GALNT13: variants seen among roughly 807,000 people sequenced by gnomAD.
The protein encoded by GALNT13 is UDP-GalNAc:polypeptide N-acetylgalactosaminyltransferase 13.
Under a neutral mutation model 64.2 loss-of-function variants are expected in GALNT13, and 28 were observed. That is an observed-to-expected ratio of 0.44 (90% CI 0.32 to 0.60). GALNT13 has a LOEUF of 0.60. Ranked by LOEUF, GALNT13 falls within the 20% of genes least tolerant of loss-of-function variation. GALNT13 has a pLI of 0.05. For missense variants in GALNT13, 577 were observed against 669.8 expected, an observed-to-expected ratio of 0.86 and a Z score of 1.53; for synonymous variants, 214 against 224.6, an observed-to-expected ratio of 0.95 and a Z score of 0.42.
At chr2:153,125,973 TATGAAGTTCGA>T in the GALNT13 span, among the ~76,000 whole-genome samples, 11 of 152,158 alleles carry the variant, frequency 7.2e-5, no homozygotes, top group South Asian at 2.3e-3. Context: ...GTCCGGTGAT[TATGAAGTTCGA>T]ATGAATGCAA....
chr2:154,148,580 A>G (rs1683769681), intron 4 of GALNT13, among the ~76,000 whole-genome samples: 2 of 151,844 alleles, frequency 1.3e-5, no homozygotes, highest in South Asian at 4.1e-4. Flanking sequence ...CATCCTCTCC[A>G]GCACCTGTTG....
chr2:153,450,430 C>T, the GALNT13 span, among the ~76,000 whole-genome samples: 1 of 152,032 alleles, frequency 6.6e-6, no homozygotes, highest in Non-Finnish European at 1.5e-5. Context: ...TCAAATTTAA[C>T]ACTAGGAGGC....
intron 3 of GALNT13, among the ~76,000 whole-genome samples, chr2:154,005,851 T>C (rs1426819983): frequency 2.0e-5 from 3 of 152,140 alleles, no homozygotes; most frequent in African/African-American, 7.2e-5. Context: ...CAGTCAGAGA[T>C]TTTGATTCCG....
the GALNT13 span, among the ~76,000 whole-genome samples, chr2:153,674,057 C>T: frequency 2.6e-5 from 4 of 152,130 alleles, no homozygotes; most frequent in Non-Finnish European, 5.9e-5. Context: ...AAAGAGGGCA[C>T]AAACAAATGG....
At chr2:154,165,452 C>T (rs1189649684) in intron 4 of GALNT13, among the ~76,000 whole-genome samples, 3 of 152,100 alleles carry the variant, frequency 2.0e-5, no homozygotes, top group Non-Finnish European at 1.5e-5. Context: ...CTTACGCTTA[C>T]AGCCTCATTA....
the GALNT13 span, among the ~76,000 whole-genome samples, chr2:153,410,918 C>T: frequency 4.0e-5 from 6 of 151,086 alleles, no homozygotes; most frequent in East Asian, 1.2e-3. Context: ...GAGAGAGAGT[C>T]CAGGCTGGAG....
intron 3 of GALNT13, among the ~76,000 whole-genome samples, chr2:153,964,992 A>G (rs989285212): frequency 3.3e-5 from 5 of 152,156 alleles, no homozygotes; most frequent in African/African-American, 4.8e-5. Flanking sequence ...TAATGTTATT[A>G]TAAATATTTT....
At chr2:153,311,212 TAATA>T in the GALNT13 span, among the ~76,000 whole-genome samples, 1 of 152,182 alleles carries the variant, frequency 6.6e-6, no homozygotes, top group African/African-American at 2.4e-5. Flanking sequence ...CAAGTTTTGG[TAATA>T]AATAGGAACA....
intron 2 of GALNT13, among the ~76,000 whole-genome samples, chr2:153,929,494 C>G (rs1198517844): frequency 6.6e-6 from 1 of 152,082 alleles, no homozygotes; most frequent in Non-Finnish European, 1.5e-5. Context: ...TACTTAACTT[C>G]CTCATACCCT....
chr2:153,868,581 T>C (rs565118036), upstream of GALNT13, among the ~76,000 whole-genome samples: 1 of 152,372 alleles, frequency 6.6e-6, no homozygotes, highest in African/African-American at 2.4e-5. Context: ...CAAAACCTGG[T>C]AATTTAATTT....
At chr2:154,142,548 T>TC (rs1420384465) in intron 4 of GALNT13, among the ~76,000 whole-genome samples, 2 of 33,836 alleles carry the variant, frequency 5.9e-5, no homozygotes, top group Non-Finnish European at 5.5e-5. Flanking sequence ...AAACTCTGTC[T>TC]CAAAAAAAAA....
At position 154,202,035 on chromosome 2, in the gene GALNT13, G is replaced by A. The variant is rs562738812; in HGVS notation, c.312-39995G>A. Among the ~76,000 whole-genome samples the A allele has an allele frequency of 8.6e-4, 131 of 152,132 alleles. 1 individual carries two copies. Among genetic ancestry groups the A allele is most frequent in the African/African-American group, 3.1e-3 (129 of 41,530 alleles). On this transcript the variant is annotated intron_variant, in intron 4 of 12. Transcript: ENST00000392825. The stretch of plus-strand genomic sequence containing the variant: ...AAGATAACTTTCTGGCATTTATACT[G>A]CTTACCCTTTGATTTAATTCAATCC...
intron 8 of GALNT13, among the ~76,000 whole-genome samples, chr2:154,291,765 G>A (rs1020856820): frequency 5.3e-5 from 8 of 152,284 alleles, no homozygotes; most frequent in Admixed American, 6.5e-5. Context: ...GCGGCCTGCT[G>A]AAGGGCGCCT....
chr2:154,224,488 G>T (rs1688484772), intron 4 of GALNT13, among the ~76,000 whole-genome samples: 1 of 151,516 alleles, frequency 6.6e-6, no homozygotes. Flanking sequence ...GGAAAGCAAA[G>T]AAAAAAAGCT....
chr2:153,672,168 C>T, the GALNT13 span, among the ~76,000 whole-genome samples: 1 of 152,066 alleles, frequency 6.6e-6, no homozygotes, highest in Non-Finnish European at 1.5e-5. Flanking sequence ...ACAAGGATAT[C>T]TAGGACTTGA....
the GALNT13 span, among the ~76,000 whole-genome samples, chr2:153,782,824 A>T: frequency 1.5e-4 from 23 of 152,242 alleles, no homozygotes; most frequent in Non-Finnish European, 3.2e-4. Context: ...TGTTTAGACT[A>T]CCCAATCCGT....
At chr2:154,210,404 C>A (rs1261111848) in intron 4 of GALNT13, among the ~76,000 whole-genome samples, 1 of 152,070 alleles carries the variant, frequency 6.6e-6, no homozygotes, top group East Asian at 1.9e-4. Context: ...TTTGAGAAAC[C>A]TTTATACAGT....
At chr2:154,260,309 A>G (rs1690625844) in intron 8 of GALNT13, among the ~76,000 whole-genome samples, 1 of 152,204 alleles carries the variant, frequency 6.6e-6, no homozygotes, top group Non-Finnish European at 1.5e-5. Context: ...TCATTTCAAA[A>G]GTAAAGTTTG....
At chr2:154,241,972 A>T in intron 4 of GALNT13, 58 bp from the exon 5 acceptor site, 1 of 1,113,798 alleles carries the variant, frequency 9.0e-7, no homozygotes. Flanking sequence ...ATTTCTTTTT[A>T]AAATAATCAG....
Sources: allele counts gnomAD v4.1 joint callset (sites outside exome capture counted in the v4.1 genomes callset), GRCh38; gene constraint gnomAD v4.1.1; transcripts MANE v1.5; gene names NCBI Gene and HGNC (gene_info 2026-07-23, HGNC 2026-07-21).